The following TMEM273 variants were observed in gnomAD, a reference collection of about 807,000 sequenced individuals.
TMEM273 encodes transmembrane protein 273.
Under a neutral mutation model 17.9 loss-of-function variants are expected in TMEM273, and 19 were observed. The ratio of observed to expected loss-of-function variants is 1.06; its 90% CI spans 0.74 to 1.55. The LOEUF is 1.55. Ranked by LOEUF, TMEM273 falls within the 40% of genes most tolerant of loss-of-function variation. The probability of loss-of-function intolerance (pLI) is 0.00; values close to 1 mark genes in which losing one functional copy is unlikely to be tolerated. For missense variants in TMEM273, 194 were observed against 155.6 expected, an observed-to-expected ratio of 1.25 and a Z score of -1.31; for synonymous variants, 66 against 62.0, an observed-to-expected ratio of 1.07 and a Z score of -0.31.
chr10:49,171,354 G>A (rs1012804371), intron 1 of TMEM273, among the ~76,000 whole-genome samples: 1 of 152,256 alleles, frequency 6.6e-6, no homozygotes, highest in African/African-American at 2.4e-5. Context: ...GCCTAGAGCA[G>A]AGAGCAGAGG....
chr10:49,170,372 C>T (rs2804929), intron 1 of TMEM273, among the ~76,000 whole-genome samples: 64,988 of 151,902 alleles, frequency 0.43, 14,730 homozygotes, highest in African/African-American at 0.58. Context: ...ATGTGTTGCC[C>T]TGAACCCTCA....
At chr10:49,159,919 C>A (rs920133868) in intron 6 of TMEM273, among the ~76,000 whole-genome samples, 1 of 151,850 alleles carries the variant, frequency 6.6e-6, no homozygotes, top group Non-Finnish European at 1.5e-5. Flanking sequence ...GCCAAATTTG[C>A]AACAATTTGG....
At chr10:49,178,181 A>T in intron 1 of TMEM273, 1 of 457,192 alleles carries the variant, frequency 2.2e-6, no homozygotes, top group South Asian at 1.5e-5. Context: ...TTGCTGGCCC[A>T]TGTCACCTCT....
At chr10:49,179,685 G>C (rs1332810669) in intron 1 of TMEM273, among the ~76,000 whole-genome samples, 1 of 152,210 alleles carries the variant, frequency 6.6e-6, no homozygotes, top group Admixed American at 6.5e-5. Context: ...CAGAACTCAG[G>C]AATAACAGGG....
intron 2 of TMEM273, among the ~76,000 whole-genome samples, chr10:49,167,337 C>T (rs1057268570): frequency 6.6e-6 from 1 of 152,270 alleles, no homozygotes; most frequent in African/African-American, 2.4e-5. Context: ...AATTCATCCA[C>T]TCATCTATTG....
intron 1 of TMEM273, among the ~76,000 whole-genome samples, chr10:49,185,372 G>A (rs1847598647): frequency 6.6e-6 from 1 of 152,112 alleles, no homozygotes; most frequent in South Asian, 2.1e-4. Flanking sequence ...ATGCCACAGA[G>A]GGACTGGACA....
intron 1 of TMEM273, 152 bp downstream of exon 1, chr10:49,188,142 C>A: frequency 1.1e-6 from 1 of 877,458 alleles, no homozygotes; most frequent in South Asian, 1.8e-5. Context: ...CAAACAAGAT[C>A]ATTGCTCACT....
At chr10:49,164,253 T>G (rs1846023037) in intron 5 of TMEM273, among the ~76,000 whole-genome samples, 1 of 152,194 alleles carries the variant, frequency 6.6e-6, no homozygotes, top group South Asian at 2.1e-4. Flanking sequence ...AACTCTGAGC[T>G]GTTCTAGATT....
At position 49,167,082 on chromosome 10, in the gene TMEM273, A is replaced by G. The variant is rs556439279; in HGVS notation, c.98-73T>C. 285 of 1,578,144 alleles carry G rather than the reference A, an allele frequency of 1.8e-4. No individual in the cohort carries two copies. The African/African-American group carries it at 3.6e-3, about 20-fold the overall frequency. The stretch of plus-strand genomic sequence containing the variant: ...TCCCTCTGCATTCCAGATGAGGTCC[A>G]AAGCATGCATGTGGCCCTTAACACA... On this transcript the variant is annotated intron_variant, in intron 2 of 6. Transcript: ENST00000374153.
intron 1 of TMEM273, among the ~76,000 whole-genome samples, chr10:49,176,146 G>T (rs1178325409): frequency 6.6e-6 from 1 of 152,242 alleles, no homozygotes; most frequent in African/African-American, 2.4e-5. Flanking sequence ...GTCCCCGGAA[G>T]GAGTGTGTGC....
At position 49,171,848 on chromosome 10, in the gene TMEM273, G is replaced by A. The variant is rs77653939; in HGVS notation, c.44-3886C>T. Among the ~76,000 whole-genome samples the A allele has an allele frequency of 3.2e-3, 484 of 150,064 alleles. 18 individuals carry two copies. In the East Asian group the frequency reaches 0.045, roughly 14 times the overall value. Reference sequence around the variant, plus strand: ...CATCTCACTTGGAATCTGACCTGCTGAGAGCCCATCCCCGGCATCCAGGCC... The same window carrying A: ...CATCTCACTTGGAATCTGACCTGCTAAGAGCCCATCCCCGGCATCCAGGCC... On this transcript the variant is annotated intron_variant, in intron 1 of 6. Transcript: ENST00000374153.
At chr10:49,157,370 A>T (rs1845575502) in intron 6 of TMEM273, among the ~76,000 whole-genome samples, 1 of 152,210 alleles carries the variant, frequency 6.6e-6, no homozygotes, top group African/African-American at 2.4e-5. Context: ...TAGTAGGTGA[A>T]TTAGGCTGCA....
chr10:49,164,812 T>C (rs1846064059), intron 5 of TMEM273, among the ~76,000 whole-genome samples: 1 of 151,782 alleles, frequency 6.6e-6, no homozygotes, highest in South Asian at 2.1e-4. Context: ...AGGCAACACA[T>C]GCTTAGCCTG....
rs1265562469 is a variant in TMEM273, at chr10:49,155,433, C to G, written c.*459G>C. On this transcript the variant is annotated 3_prime_UTR_variant, in exon 7 of 7. Transcript: ENST00000374153. The stretch of plus-strand genomic sequence containing the variant: ...ACATAGTCCATCTTTAAGAAGGGAT[C>G]TCCTGGCAGCTAAGAGGGTGAAGCT... 5.5e-6 allele frequency: 1 copy of G among 181,562 alleles called. No individual in the cohort carries two copies. The highest frequency in any genetic ancestry group is 2.4e-5 in the African/African-American group (1 of 42,030). The allele number at this position is 181,562 out of a possible 1,614,324, so 11.2% of individuals were successfully genotyped here.
chr10:49,168,667 A>G (rs1167205638), intron 1 of TMEM273, among the ~76,000 whole-genome samples: 1 of 132,912 alleles, frequency 7.5e-6, no homozygotes, highest in African/African-American at 2.9e-5. Context: ...GAAGGAAGGA[A>G]GGAAGAAAGG....
At chr10:49,161,739 C>T in intron 5 of TMEM273, 117 bp from the exon 6 acceptor site, 2 of 1,291,224 alleles carry the variant, frequency 1.5e-6, no homozygotes, top group Non-Finnish European at 1.1e-6. Flanking sequence ...TTGGGTCTGA[C>T]TTCCTCATGA....
intron 6 of TMEM273, chr10:49,160,275 C>A (rs895541557): frequency 6.6e-6 from 1 of 152,234 alleles, no homozygotes; most frequent in Non-Finnish European, 1.5e-5. Context: ...TGGTCACTCC[C>A]TTAACCAAGC....
At position 49,155,871 on chromosome 10, in the gene TMEM273, A is replaced by C. The variant is rs755676951; in HGVS notation, c.*21T>G. On this transcript the variant is annotated 3_prime_UTR_variant, in exon 7 of 7. Coordinates refer to ENST00000374153, the MANE Select transcript of TMEM273 (RefSeq NM_001288740.3). ...TTCCACGGGGCTAGAACCCCTCTTC[A>C]CGTCACTGCTCACCTACAGCTCAAT... The C allele has an allele frequency of 5.6e-6, 9 of 1,614,068 alleles. No homozygotes were observed. The Middle Eastern group carries it at 4.9e-4, about 88-fold the overall frequency.
At chr10:49,172,592 G>C (rs1846650423) in intron 1 of TMEM273, among the ~76,000 whole-genome samples, 1 of 152,212 alleles carries the variant, frequency 6.6e-6, no homozygotes, top group Non-Finnish European at 1.5e-5. Context: ...ATGACCTCAT[G>C]ATGGGTAGGA....
Sources: gnomAD v4.1 joint callset for allele counts (sites outside exome capture counted in the v4.1 genomes callset) on GRCh38, gnomAD v4.1.1 for gene constraint, MANE v1.5 for transcripts, NCBI Gene and HGNC (gene_info 2026-07-23, HGNC 2026-07-21) for gene names.